The following WDPCP variants were observed in gnomAD, a reference collection of about 807,000 sequenced individuals.
The protein encoded by WDPCP is WD repeat containing planar cell polarity effector, also known as WD repeat-containing and planar cell polarity effector protein fritz homolog.
In WDPCP, 71 loss-of-function variants were observed where a neutral mutation model predicts 93.1. The ratio of observed to expected loss-of-function variants is 0.76; its 90% CI spans 0.63 to 0.93. WDPCP has a LOEUF of 0.93. WDPCP is among the 40% of genes least tolerant of loss of function. The probability of loss-of-function intolerance (pLI) is 0.00; values close to 1 mark genes in which losing one functional copy is unlikely to be tolerated. For synonymous variants in WDPCP, 315 were observed against 315.0 expected (o/e 1.00, Z 0.00); for missense variants, 844 against 887.4 (o/e 0.95, Z 0.62).
chr2:63,685,799 T>A (rs1668798163), intron 2 of WDPCP, among the ~76,000 whole-genome samples: 2 of 152,150 alleles, frequency 1.3e-5, no homozygotes, highest in Non-Finnish European at 2.9e-5. Flanking sequence ...AATGGTTTGA[T>A]TTGTGCAAAT....
chr2:63,337,692 G>GT (rs963693776), intron 12 of WDPCP, among the ~76,000 whole-genome samples: 23 of 152,102 alleles, frequency 1.5e-4, no homozygotes, highest in African/African-American at 5.3e-4. Flanking sequence ...GATACAAGTC[G>GT]TTTTAACTGG....
intron 2 of WDPCP, among the ~76,000 whole-genome samples, chr2:63,716,711 A>G (rs896725665): frequency 6.6e-6 from 1 of 152,192 alleles, no homozygotes; most frequent in Non-Finnish European, 1.5e-5. Context: ...GCACTGCCCC[A>G]TGAGGACTTT....
chr2:63,497,454 G>A (rs1392326235), intron 1 of WDPCP, among the ~76,000 whole-genome samples: 1 of 152,122 alleles, frequency 6.6e-6, no homozygotes, highest in Non-Finnish European at 1.5e-5. Flanking sequence ...GGGAGCGGGA[G>A]GAAGATAGTC....
chr2:63,566,159 A>G (rs1056189660), intron 1 of WDPCP, among the ~76,000 whole-genome samples: 2 of 152,210 alleles, frequency 1.3e-5, no homozygotes, highest in South Asian at 2.1e-4. Context: ...ACGTCTGTGA[A>G]AAGAAAATAT....
At chr2:63,715,735 T>C (rs910109433) in intron 2 of WDPCP, among the ~76,000 whole-genome samples, 1 of 152,212 alleles carries the variant, frequency 6.6e-6, no homozygotes, top group African/African-American at 2.4e-5. Context: ...TTCCATTGCA[T>C]TTAAATTTTT....
At chr2:63,209,336 T>A (rs1224800572) in intron 14 of WDPCP, among the ~76,000 whole-genome samples, 2 of 152,224 alleles carry the variant, frequency 1.3e-5, no homozygotes, top group African/African-American at 4.8e-5. Context: ...ACAGTAGGAA[T>A]CTTGGTCATC....
chr2:63,654,971 C>T (rs139280925), intron 2 of WDPCP, among the ~76,000 whole-genome samples: 237 of 152,276 alleles, frequency 1.6e-3, no homozygotes, highest in African/African-American at 5.4e-3. Context: ...TGAGCCCACT[C>T]ATCTCCCACA....
chr2:63,531,549 T>C (rs976278855), intron 1 of WDPCP, among the ~76,000 whole-genome samples: 15 of 152,126 alleles, frequency 9.9e-5, no homozygotes, highest in African/African-American at 3.6e-4. Context: ...TTCTGCAGCC[T>C]CCACTGGTGC....
chr2:63,728,641 A>G (rs2103815805), intron 2 of WDPCP, among the ~76,000 whole-genome samples: 1 of 152,320 alleles, frequency 6.6e-6, no homozygotes, highest in East Asian at 1.9e-4. Context: ...ACTGAGGCTC[A>G]AGGTTAAGTG....
chr2:63,492,811 G>A (rs1700976865), intron 2 of WDPCP, 45 bp downstream of exon 2: 1 of 1,545,174 alleles, frequency 6.5e-7, no homozygotes, highest in Middle Eastern at 1.7e-4. Context: ...TTATAATGGT[G>A]TAACATATTT....
chr2:63,166,985 C>G (rs1009434717), intron 15 of WDPCP, among the ~76,000 whole-genome samples: 1 of 152,112 alleles, frequency 6.6e-6, no homozygotes, highest in African/African-American at 2.4e-5. Flanking sequence ...ATTATATTCA[C>G]TATCTCTATG....
chr2:63,121,855 T>A lies in WDPCP; in HGVS notation c.*151A>T, dbSNP rs1213721403. ...ATGTTTTTGAAATAATAAAACTTTA[T>A]TTTGAAAACAAACACTCAACTCAAA... is the stretch of plus-strand genomic sequence containing the variant. On this transcript the variant is annotated 3_prime_UTR_variant, in exon 18 of 18. Transcript: ENST00000272321. 11 of 1,422,950 alleles carry A rather than the reference T, an allele frequency of 7.7e-6. No homozygotes were observed. In the Middle Eastern group the frequency reaches 1.1e-3, roughly 143 times the overall value. 88.1% of individuals were successfully genotyped at this position (1,422,950 alleles called of 1,614,324 possible).
Position 63,273,826 on chromosome 2 carries a change from C to T in WDPCP, c.1813-14417G>A, listed in dbSNP as rs2945033. Among the ~76,000 whole-genome samples the T allele has an allele frequency of 0.016, 254 of 15,740 alleles. 2 individuals carry two copies. In the East Asian group the frequency reaches 0.35, roughly 22 times the overall value. 10.3% of individuals were successfully genotyped at this position (15,740 alleles called of 152,430 possible). A position where few individuals can be genotyped will look rare whatever the true frequency, so the allele number is the denominator to read the frequency against. ...ACGCAGAAACACACACACACACACA[C>T]GCACACACACACACACACACACAGA... is the stretch of plus-strand genomic sequence containing the variant. On this transcript the variant is annotated intron_variant, in intron 13 of 17. Coordinates refer to ENST00000272321, the MANE Select transcript of WDPCP (RefSeq NM_015910.7).
At chr2:63,661,300 C>T (rs1338001545) in intron 2 of WDPCP, among the ~76,000 whole-genome samples, 1 of 152,162 alleles carries the variant, frequency 6.6e-6, no homozygotes, top group Non-Finnish European at 1.5e-5. Context: ...TATTCACTTC[C>T]TCTCAGACTA....
chr2:63,458,921 T>C (rs776745837), intron 6 of WDPCP, among the ~76,000 whole-genome samples: 5 of 152,028 alleles, frequency 3.3e-5, no homozygotes, highest in Non-Finnish European at 7.4e-5. Flanking sequence ...CAGAGATAAA[T>C]CCACATATTT....
rs950522985 is a variant in WDPCP, at chr2:63,643,747, C to G, written n.488+6912G>C. 8 of 524,200 alleles carry G rather than the reference C, an allele frequency of 1.5e-5. No individual in the cohort carries two copies. In the East Asian group the frequency reaches 3.6e-4, roughly 24 times the overall value. The allele number at this position is 524,200 out of a possible 1,614,324, so 32.5% of individuals were successfully genotyped here. On this transcript the variant is annotated intron_variant and non_coding_transcript_variant, in intron 3 of 4. Transcript: ENST00000467687. ...GTGACCCTTGGTGTCATAGATCAGA[C>G]GGACATTCTCTCCAGTCTTGTCAAT...
intron 17 of WDPCP, among the ~76,000 whole-genome samples, chr2:63,137,218 C>CTGTTGT (rs149696628): frequency 6.6e-6 from 1 of 151,908 alleles, no homozygotes; most frequent in East Asian, 1.9e-4. Context: ...TTGCCATCAT[C>CTGTTGT]TGTTGTTGTT....
intron 13 of WDPCP, among the ~76,000 whole-genome samples, chr2:63,310,698 T>A (rs1432678530): frequency 1.1e-4 from 17 of 152,136 alleles, no homozygotes; most frequent in Admixed American, 7.9e-4. Flanking sequence ...AAGTCTAAAA[T>A]ATTTGCAAAA....
At chr2:63,335,077 A>G (rs1217864289) in intron 12 of WDPCP, among the ~76,000 whole-genome samples, 2 of 152,222 alleles carry the variant, frequency 1.3e-5, no homozygotes, top group East Asian at 3.9e-4. Flanking sequence ...TAAAAAATGC[A>G]GATTTAATGA....
Sources: allele counts gnomAD v4.1 joint callset (sites outside exome capture counted in the v4.1 genomes callset), GRCh38; gene constraint gnomAD v4.1.1; transcripts MANE v1.5; gene names NCBI Gene and HGNC (gene_info 2026-07-23, HGNC 2026-07-21).